SLC35A3: variants seen among roughly 807,000 people sequenced by gnomAD.
The protein encoded by SLC35A3 is solute carrier family 35 member A3.
SLC35A3 carries 26 observed loss-of-function variants against 39.0 expected under a neutral mutation model. The ratio of observed to expected loss-of-function variants is 0.67; its 90% CI spans 0.49 to 0.92. SLC35A3 has a LOEUF of 0.92. SLC35A3 is among the 40% of genes least tolerant of loss of function. The pLI is 0.00. For missense variants in SLC35A3, 299 were observed against 371.6 expected (o/e 0.80, Z 1.61); for synonymous variants, 135 against 133.1 (o/e 1.01, Z -0.10).
chr1:100,009,294 G>A (rs897628419), intron 4 of SLC35A3: 2 of 151,928 alleles, frequency 1.3e-5, no homozygotes, highest in Admixed American at 6.6e-5. Context: ...TCAGTAGGTC[G>A]GAAACAGCAG....
chr1:99,983,797 A>G (rs1162376684), intron 1 of SLC35A3, among the ~76,000 whole-genome samples: 2 of 151,762 alleles, frequency 1.3e-5, no homozygotes, highest in African/African-American at 4.8e-5. Flanking sequence ...TAATTTTTGT[A>G]TGTTTAGCAG....
At chr1:100,001,743 G>A (rs1218709960) in intron 3 of SLC35A3, among the ~76,000 whole-genome samples, 9 of 151,910 alleles carry the variant, frequency 5.9e-5, no homozygotes, top group South Asian at 2.1e-4. Flanking sequence ...CAGCTTTTCC[G>A]CATTCAGTAT....
intron 2 of SLC35A3, among the ~76,000 whole-genome samples, chr1:99,996,180 A>G (rs1422721103): frequency 6.6e-6 from 1 of 152,222 alleles, no homozygotes; most frequent in Non-Finnish European, 1.5e-5. Flanking sequence ...AACAACATAC[A>G]AAAGGTACAA....
In SLC35A3 at chr1:99,983,781, C is replaced by A. The variant is rs1657596079; in HGVS notation, c.-18-9756C>A. ...GCTGGGATTACAGGCGCCCACCACG[C>A]CTGGCTAATTTTTGTATGTTTAGCA... On this transcript the variant is annotated intron_variant, in intron 1 of 7. Transcript: ENST00000533028. Among the ~76,000 whole-genome samples the A allele has an allele frequency of 2.0e-5, 3 of 151,800 alleles. No individual in the cohort carries two copies. The South Asian group carries it at 6.2e-4, about 32-fold the overall frequency.
intron 5 of SLC35A3, among the ~76,000 whole-genome samples, chr1:100,014,042 G>C (rs1216924571): frequency 6.6e-6 from 1 of 152,126 alleles, no homozygotes; most frequent in Non-Finnish European, 1.5e-5. Flanking sequence ...TCATGTGATA[G>C]AATATGTTTT....
In SLC35A3 at chr1:100,033,703, T is replaced by C. The variant is rs1661368798; in HGVS notation, c.*11227T>C. 3 of 152,230 alleles carry C rather than the reference T, an allele frequency of 2.0e-5. No individual in the cohort carries two copies. The highest frequency in any genetic ancestry group is 4.4e-5 in the Non-Finnish European group (3 of 68,040). The allele number at this position is 152,230 out of a possible 1,614,324, so 9.4% of individuals were successfully genotyped here. A position where few individuals can be genotyped will look rare whatever the true frequency, so the allele number is the denominator to read the frequency against. On this transcript the variant is annotated 3_prime_UTR_variant, in exon 8 of 8. Coordinates refer to ENST00000533028, the MANE Select transcript of SLC35A3 (RefSeq NM_012243.3). ...TCTTTGACTCTTATCTAATTGTCTA[T>C]GTGACCGTCAGTGAATATATTATCT...
chr1:100,020,215 C>A (rs1438293407), intron 7 of SLC35A3, among the ~76,000 whole-genome samples: 2 of 151,730 alleles, frequency 1.3e-5, no homozygotes, highest in Non-Finnish European at 2.9e-5. Context: ...TTTTCTGAGA[C>A]AACTTTCTCT....
intron 7 of SLC35A3, 70 bp downstream of exon 7, chr1:100,017,885 G>C: frequency 1.1e-6 from 1 of 887,548 alleles, no homozygotes; most frequent in East Asian, 2.9e-5. Context: ...TTTGTAAGGT[G>C]ATCTGATAAA....
Position 100,005,947 on chromosome 1 carries a change from C to T in SLC35A3, c.343-1087C>T, listed in dbSNP as rs182866336. Among the ~76,000 whole-genome samples, 7 of 152,312 alleles carry T rather than the reference C, an allele frequency of 4.6e-5. No individual in the cohort carries two copies. In the East Asian group the frequency reaches 1.3e-3, roughly 29 times the overall value. On this transcript the variant is annotated intron_variant, in intron 3 of 7. Coordinates refer to ENST00000533028, the MANE Select transcript of SLC35A3 (RefSeq NM_012243.3). ...TTGTTTCCTTACATTGATATCTGTG[C>T]ATCTGGTATAACAATAGCTTCTTCC...
rs760381564 is a variant in SLC35A3, at chr1:100,015,157, CAA to C, written c.635-126_635-125del. The C allele has an allele frequency of 0.047, 20,848 of 445,320 alleles. 8 individuals are homozygous for C. Among genetic ancestry groups the C allele is most frequent in the South Asian group, 0.064 (1,380 of 21,416 alleles). 27.6% of individuals were successfully genotyped at this position (445,320 alleles called of 1,614,324 possible). On this transcript the variant is annotated intron_variant, in intron 5 of 7. Transcript: ENST00000533028. Reference sequence around the variant, plus strand: ...TGGGCAACAGAGCAAGACTCCGTCTCAAAAAAAAAAAAAAAAAAAAGAAAGTA... The same window carrying C: ...TGGGCAACAGAGCAAGACTCCGTCTCAAAAAAAAAAAAAAAAAAGAAAGTA...
intron 1 of SLC35A3, among the ~76,000 whole-genome samples, chr1:99,986,678 T>A (rs1657760045): frequency 6.6e-6 from 1 of 152,006 alleles, no homozygotes. Context: ...CAGCTTTGAC[T>A]TCCCAAACTC....
At chr1:99,971,104 A>G (rs898875238) in intron 1 of SLC35A3, among the ~76,000 whole-genome samples, 1 of 152,116 alleles carries the variant, frequency 6.6e-6, no homozygotes, top group Admixed American at 6.5e-5. Flanking sequence ...ACTTGCCTCC[A>G]TATTACTTTT....
intron 1 of SLC35A3, chr1:99,970,588 C>CAT (rs1286572699): frequency 6.5e-7 from 1 of 1,536,102 alleles, no homozygotes; most frequent in Admixed American, 2.0e-5. Context: ...TGCACCCGAC[C>CAT]AGCACCTGGA....
rs1661131269 is a variant in SLC35A3 at position 100,029,910 on chromosome 1, T to G, written c.*7434T>G. ...TGTCATTTAGTTTTCACTTCTTATG[T>G]TTAATGACAACTTTATAAATGCTGG... On this transcript the variant is annotated 3_prime_UTR_variant, in exon 8 of 8. Transcript: ENST00000533028. 6.6e-6 allele frequency: 1 copy of G among 152,212 alleles called. No homozygotes were observed. The highest frequency in any genetic ancestry group is 2.4e-5 in the African/African-American group (1 of 41,458). The allele number at this position is 152,212 out of a possible 1,614,324, so 9.4% of individuals were successfully genotyped here. A position where few individuals can be genotyped will look rare whatever the true frequency, so the allele number is the denominator to read the frequency against.
intron 5 of SLC35A3, 127 bp from the exon 6 acceptor site, chr1:100,015,175 A>G: frequency 1.0e-6 from 1 of 991,044 alleles, no homozygotes; most frequent in Non-Finnish European, 1.4e-6. Context: ...AAAAAAAAAA[A>G]AAGAAAGTAA....
At chr1:99,985,286 G>A (rs947004055) in intron 1 of SLC35A3, among the ~76,000 whole-genome samples, 6 of 151,904 alleles carry the variant, frequency 3.9e-5, no homozygotes, top group Non-Finnish European at 4.4e-5. Context: ...TCTTCTGAAC[G>A]TGGCCAATTA....
At position 100,030,924 on chromosome 1, in the gene SLC35A3, A is replaced by T. The variant is rs551555286; in HGVS notation, c.*8448A>T. The T allele has an allele frequency of 6.6e-6, 1 of 152,286 alleles. No individual in the cohort carries two copies. Among genetic ancestry groups the T allele is most frequent in the South Asian group, 2.1e-4 (1 of 4,824 alleles). 9.4% of individuals were successfully genotyped at this position (152,286 alleles called of 1,614,324 possible). A position where few individuals can be genotyped will look rare whatever the true frequency, so the allele number is the denominator to read the frequency against. On this transcript the variant is annotated 3_prime_UTR_variant, in exon 8 of 8. Coordinates refer to ENST00000533028, the MANE Select transcript of SLC35A3 (RefSeq NM_012243.3). ...ATAGAATTATAGAAAATCATGAAAG[A>T]TGTGTGCCCATGTTTCATTTTATAA...
rs1418659046 is a variant in SLC35A3, at chr1:100,032,834, C to G, written c.*10358C>G. The G allele has an allele frequency of 6.6e-6, 1 of 152,242 alleles. No homozygotes were observed. Among genetic ancestry groups the G allele is most frequent in the Non-Finnish European group, 1.5e-5 (1 of 68,102 alleles). The allele number at this position is 152,242 out of a possible 1,614,324, so 9.4% of individuals were successfully genotyped here. On this transcript the variant is annotated 3_prime_UTR_variant, in exon 8 of 8. Transcript: ENST00000533028. ...TGCTGGGATTACAGGCATGAGCCAC[C>G]GCGCCCGGCCACTCTTGTGTTTTTT...
chr1:100,015,521 C>A, intron 6 of SLC35A3, 101 bp downstream of exon 6: 1 of 1,275,354 alleles, frequency 7.8e-7, no homozygotes, highest in Non-Finnish European at 1.0e-6. Context: ...GAAAAGGTCC[C>A]TCCTGTTAGT....
Sources: allele counts gnomAD v4.1 joint callset (sites outside exome capture counted in the v4.1 genomes callset), GRCh38; gene constraint gnomAD v4.1.1; transcripts MANE v1.5; gene names NCBI Gene and HGNC (gene_info 2026-07-23, HGNC 2026-07-21).